The following WDR27 variants were observed in gnomAD, a reference collection of about 807,000 sequenced individuals.
WDR27 encodes WD repeat-containing protein 27.
WDR27 carries 100 observed loss-of-function variants against 114.4 expected under a neutral mutation model. That is an observed-to-expected ratio of 0.87 (90% confidence interval 0.74 to 1.03). WDR27 has a LOEUF of 1.03. WDR27 is among the 50% of genes least tolerant of loss of function. WDR27 has a pLI of 0.00. For synonymous variants in WDR27, 449 were observed against 423.1 expected (o/e 1.06, Z -0.75); for missense variants, 1,129 against 1,092.9 (o/e 1.03, Z -0.47).
At chr6:169,689,078 T>C (rs568787057) in intron 1 of WDR27, 66 bp from the exon 2 acceptor site, 1,119 of 1,113,242 alleles carry the variant, frequency 1.0e-3, no homozygotes, top group Non-Finnish European at 1.3e-3. Context: ...AAAAGTCTAT[T>C]ACCTACTGAT....
chr6:169,611,552 C>A (rs566136199), intron 22 of WDR27, among the ~76,000 whole-genome samples: 3 of 152,138 alleles, frequency 2.0e-5, no homozygotes, highest in African/African-American at 7.2e-5. Flanking sequence ...GTGATCCGCC[C>A]ACCTCGGCCT....
intron 2 of WDR27, among the ~76,000 whole-genome samples, chr6:169,683,036 G>A (rs1314850068): frequency 2.0e-5 from 3 of 152,054 alleles, no homozygotes; most frequent in African/African-American, 7.2e-5. Flanking sequence ...AAAAGAAAAT[G>A]AAAAGGAATG....
chr6:169,681,783 C>T (rs1293310418), intron 2 of WDR27, among the ~76,000 whole-genome samples: 2 of 152,212 alleles, frequency 1.3e-5, no homozygotes, highest in South Asian at 2.1e-4. Context: ...TCAGCCCTCC[C>T]TGGCAGGCTC....
In WDR27 at chr6:169,537,583, G is replaced by T. The variant is rs143339584; in HGVS notation, c.2645+34836C>A. 2.5e-3 allele frequency among the ~76,000 whole-genome samples: 377 copies of T among 152,316 alleles called. 3 individuals are homozygous for T. Among genetic ancestry groups the T allele is most frequent in the African/African-American group, 8.1e-3 (337 of 41,558 alleles). On this transcript the variant is annotated intron_variant, in intron 25 of 25. Coordinates refer to ENST00000448612, the MANE Select transcript of WDR27 (RefSeq NM_182552.5). ...TGGAGAGTATCAGATGGGGGAGAGT[G>T]GATGGAGGGTGGAATGTGAGCAAGG...
intron 22 of WDR27, among the ~76,000 whole-genome samples, chr6:169,604,043 C>G (rs1443071826): frequency 6.6e-6 from 1 of 152,088 alleles, no homozygotes; most frequent in African/African-American, 2.4e-5. Context: ...TGTTGCACCT[C>G]AAGGAACAAG....
chr6:169,668,890 G>A (rs374877424), intron 4 of WDR27: 5 of 152,082 alleles, frequency 3.3e-5, no homozygotes, highest in African/African-American at 1.2e-4. Context: ...TTAGTAATAC[G>A]ACATATCGCC....
At chr6:169,695,260 A>T (rs1227164953) in intron 1 of WDR27, among the ~76,000 whole-genome samples, 1 of 152,216 alleles carries the variant, frequency 6.6e-6, no homozygotes, top group African/African-American at 2.4e-5. Context: ...GGAAGCCAGT[A>T]CGGGTTGGTT....
intron 13 of WDR27, among the ~76,000 whole-genome samples, chr6:169,655,649 AGCTGGAGACCCCCGAG>A (rs906231179): frequency 2.0e-5 from 3 of 152,230 alleles, no homozygotes; most frequent in Admixed American, 6.5e-5. Flanking sequence ...CCTCTTTGCC[AGCTGGAGACCCCCGAG>A]GCTGGCGATG....
chr6:169,696,469 T>C (rs186379907), intron 1 of WDR27, among the ~76,000 whole-genome samples: 15 of 152,264 alleles, frequency 9.9e-5, no homozygotes, highest in Admixed American at 2.0e-4. Flanking sequence ...TGCACACACA[T>C]GTATGCCTGC....
intron 25 of WDR27, among the ~76,000 whole-genome samples, chr6:169,507,801 T>C (rs1792200131): frequency 6.6e-6 from 1 of 152,222 alleles, no homozygotes; most frequent in African/African-American, 2.4e-5. Flanking sequence ...TGAGTACATA[T>C]TGTCTGTGGC....
chr6:169,560,785 A>G (rs2128113845), intron 25 of WDR27, among the ~76,000 whole-genome samples: 1 of 152,276 alleles, frequency 6.6e-6, no homozygotes, highest in South Asian at 2.1e-4. Context: ...ATACTACCCC[A>G]TGCAGATACA....
chr6:169,443,797 T>C, the WDR27 span, among the ~76,000 whole-genome samples: 86,206 of 152,054 alleles, frequency 0.57, 26,788 homozygotes, highest in East Asian at 0.98. Context: ...CTGCCTCCAA[T>C]AGAAGACTTC....
chr6:169,513,764 AC>A, intron 25 of WDR27, among the ~76,000 whole-genome samples: 1 of 40,130 alleles, frequency 2.5e-5, no homozygotes. Flanking sequence ...TGTGCTGGAA[AC>A]TGTGGTCAGT....
intron 24 of WDR27, among the ~76,000 whole-genome samples, chr6:169,573,456 T>C (rs192889638): frequency 7.0e-4 from 106 of 152,208 alleles, no homozygotes; most frequent in South Asian, 6.4e-3. Context: ...CAAACTCGGA[T>C]CAAAAATACA....
chr6:169,629,884 G>A (rs77109269), intron 21 of WDR27, among the ~76,000 whole-genome samples: 14,797 of 137,748 alleles, frequency 0.11, 1,798 homozygotes, highest in East Asian at 0.62. Flanking sequence ...CCGAGATCAC[G>A]CAACTGCACT....
At chr6:169,460,765 C>G (rs968471937) in intron 25 of WDR27, among the ~76,000 whole-genome samples, 1 of 152,172 alleles carries the variant, frequency 6.6e-6, no homozygotes, top group Non-Finnish European at 1.5e-5. Flanking sequence ...ATAGTTGGCC[C>G]TGTAAAGCCT....
At position 169,689,014 on chromosome 6, in the gene WDR27, T is replaced by A; in HGVS notation, c.-7-2A>T. On this transcript the variant is annotated splice_acceptor_variant, in intron 1 of 25. Coordinates refer to ENST00000448612, the MANE Select transcript of WDR27 (RefSeq NM_182552.5). LOFTEE classifies it low-confidence loss of function (5UTR_SPLICE). ...TCTTGGGGATTTTCCATCTTCAATC[T>A]GAAAACAAAAAGTACATATAAGATG... 6.2e-7 allele frequency: 1 copy of A among 1,603,606 alleles called. No homozygotes were observed. The highest frequency in any genetic ancestry group is 8.5e-7 in the Non-Finnish European group (1 of 1,175,232).
At chr6:169,655,195 C>T (rs1317965443) in intron 13 of WDR27, among the ~76,000 whole-genome samples, 3 of 152,356 alleles carry the variant, frequency 2.0e-5, no homozygotes, top group East Asian at 1.9e-4. Context: ...CAGCGTCCAG[C>T]GACATGCAGC....
At position 169,680,855 on chromosome 6, in the gene WDR27, G is replaced by A. The variant is rs570625785; in HGVS notation, c.189+7962C>T. Among the ~76,000 whole-genome samples the A allele has an allele frequency of 3.3e-5, 5 of 152,264 alleles. No individual in the cohort carries two copies. In the South Asian group the frequency reaches 1.0e-3, roughly 32 times the overall value. On this transcript the variant is annotated intron_variant, in intron 2 of 25. Coordinates refer to ENST00000448612, the MANE Select transcript of WDR27 (RefSeq NM_182552.5). ...TATAATAAATGAAGTCAGTTCAACA[G>A]GACATAAAATATACTAAACACATAT...
Sources: gnomAD v4.1 joint callset for allele counts (sites outside exome capture counted in the v4.1 genomes callset) on GRCh38, gnomAD v4.1.1 for gene constraint, MANE v1.5 for transcripts, NCBI Gene and HGNC (gene_info 2026-07-23, HGNC 2026-07-21) for gene names.